The following SPAG9 variants were observed in gnomAD, a reference collection of about 807,000 sequenced individuals.
SPAG9 encodes the protein sperm associated antigen 9.
Under a neutral mutation model 166.5 loss-of-function variants are expected in SPAG9, and 35 were observed. That is an observed-to-expected ratio of 0.21 (90% CI 0.16 to 0.28). SPAG9 has a LOEUF of 0.28. Ranked by LOEUF, SPAG9 falls within the 10% of genes least tolerant of loss-of-function variation. SPAG9 has a pLI of 1.00. For synonymous variants in SPAG9, 534 were observed against 565.5 expected (o/e 0.94, Z 0.79); for missense variants, 1,235 against 1,603.3 (o/e 0.77, Z 3.92).
intron 8 of SPAG9, among the ~76,000 whole-genome samples, chr17:51,014,847 T>C (rs969950238): frequency 2.6e-5 from 4 of 151,826 alleles, no homozygotes; most frequent in Non-Finnish European, 5.9e-5. Flanking sequence ...AAACCCATGA[T>C]ACAAAGGTTT....
intron 5 of SPAG9, among the ~76,000 whole-genome samples, chr17:51,035,473 T>C (rs185340685): frequency 4.8e-4 from 73 of 152,352 alleles, no homozygotes; most frequent in Admixed American, 4.7e-3. Context: ...ATAGATATGA[T>C]TCAACTACTA....
chr17:51,095,945 T>TTATA (rs200548048), intron 1 of SPAG9, among the ~76,000 whole-genome samples: 1 of 110,096 alleles, frequency 9.1e-6, no homozygotes, highest in African/African-American at 4.3e-5. Flanking sequence ...AGTGATATAG[T>TTATA]TATATATATA....
At position 50,995,490 on chromosome 17, in the gene SPAG9, A is replaced by T; in HGVS notation, c.2012T>A (p.Val671Glu). ...ATCCAGAGGTCTGAGATAGACAGGC[A>T]CAGGTAAATTTTTCATCTTATTTTC... ...QGENKMKNLP[V>E]PVYLRPLDEK... The change falls in exon 17 of 30, where the codon GTG becomes GAG. Residue 671 changes from valine to glutamate, a missense_variant. Coordinates refer to ENST00000262013, the MANE Select transcript of SPAG9 (RefSeq NM_001130528.3). The T allele has an allele frequency of 6.2e-7, 1 of 1,612,338 alleles. No homozygotes were observed. The highest frequency in any genetic ancestry group is 8.5e-7 in the Non-Finnish European group (1 of 1,178,492).
At chr17:51,105,178 G>A (rs916907807) in intron 1 of SPAG9, among the ~76,000 whole-genome samples, 15 of 152,078 alleles carry the variant, frequency 9.9e-5, no homozygotes, top group Non-Finnish European at 1.9e-4. Context: ...ATCAACAAAT[G>A]GTAAATTGAA....
In SPAG9 at chr17:50,962,401, C is replaced by T. The variant is rs1482598556; in HGVS notation, c.*3871G>A. 2.0e-5 allele frequency: 3 copies of T among 151,946 alleles called. No individual in the cohort carries two copies. Among genetic ancestry groups the T allele is most frequent in the South Asian group, 2.1e-4 (1 of 4,802 alleles). 9.4% of individuals were successfully genotyped at this position (151,946 alleles called of 1,614,324 possible). On this transcript the variant is annotated 3_prime_UTR_variant, in exon 30 of 30. Transcript: ENST00000262013. ...CTGATAGAATGTCTTGGACAAAAAA[C>T]GAATTTGGAACATAAAATGGTTAAG...
chr17:51,119,033 CAAA>C (rs3079111), intron 1 of SPAG9, among the ~76,000 whole-genome samples: 1 of 96,262 alleles, frequency 1.0e-5, no homozygotes, highest in East Asian at 2.8e-4. Context: ...GACTACGTCT[CAAA>C]AAAAAAAAAA....
intron 3 of SPAG9, among the ~76,000 whole-genome samples, chr17:51,054,664 C>A (rs569055538): frequency 1.5e-4 from 23 of 151,218 alleles, no homozygotes. Context: ...CCTCAATCTC[C>A]TCACCTCATG....
At chr17:51,036,520 A>C (rs189729556) in intron 5 of SPAG9, among the ~76,000 whole-genome samples, 236 of 151,894 alleles carry the variant, frequency 1.6e-3, no homozygotes, top group Admixed American at 2.7e-3. Context: ...TTTCCCATGC[A>C]TCTTCTTTCT....
chr17:50,977,635 G>T (rs1375565084), intron 26 of SPAG9, among the ~76,000 whole-genome samples: 2 of 152,128 alleles, frequency 1.3e-5, no homozygotes, highest in East Asian at 3.8e-4. Context: ...GGGCACGGTG[G>T]CTCACTCCTG....
intron 14 of SPAG9, 81 bp downstream of exon 14, chr17:50,999,580 A>G (rs2044838433): frequency 6.7e-7 from 1 of 1,487,130 alleles, no homozygotes; most frequent in African/African-American, 1.4e-5. Context: ...AAATGGACAT[A>G]AAATCATTCT....
At chr17:50,985,968 T>C (rs999703083) in intron 22 of SPAG9, among the ~76,000 whole-genome samples, 190 bp from the exon 23 acceptor site, 2 of 152,158 alleles carry the variant, frequency 1.3e-5, no homozygotes, top group African/African-American at 4.8e-5. Flanking sequence ...GGTAAAGAAA[T>C]AGGCTGCTGA....
Position 50,982,595 on chromosome 17 carries a change from C to A in SPAG9, c.3166G>T (p.Val1056Leu), listed in dbSNP as rs1597905148. ...TAGCCACACCAGACTTTGTCATGTACCACAGTCATGCAACGGATGGAATGA... is the reference window on the plus strand; with the variant it reads ...TAGCCACACCAGACTTTGTCATGTAACACAGTCATGCAACGGATGGAATGA... ...PHHSIRCMTV[V>L]HDKVWCGYRN... Residue 1056 changes from valine (V) to leucine (L), a missense_variant, in exon 25 of 30, where the codon GTA becomes TTA. Val to Leu is a conservative substitution (Grantham distance 32). This residue lies in a region of SPAG9 where 243 missense variants were observed against 358.6 expected (regional missense o/e 0.68). Coordinates refer to ENST00000262013, the MANE Select transcript of SPAG9 (RefSeq NM_001130528.3). The A allele has an allele frequency of 6.2e-7, 1 of 1,613,770 alleles. No homozygotes were observed. Among genetic ancestry groups the A allele is most frequent in the Non-Finnish European group, 8.5e-7 (1 of 1,179,876 alleles).
At chr17:51,000,706 T>G (rs925734097) in intron 13 of SPAG9, among the ~76,000 whole-genome samples, 2 of 151,808 alleles carry the variant, frequency 1.3e-5, no homozygotes, top group African/African-American at 4.8e-5. Flanking sequence ...CACTCCAGCC[T>G]GGGCACAGAG....
chr17:51,114,006 C>G (rs2049205551), intron 1 of SPAG9, among the ~76,000 whole-genome samples: 1 of 151,398 alleles, frequency 6.6e-6, no homozygotes, highest in African/African-American at 2.4e-5. Context: ...ATCAATCAAT[C>G]AAAAGATCTA....
chr17:51,118,113 G>A (rs2049348314), intron 1 of SPAG9, among the ~76,000 whole-genome samples: 2 of 149,734 alleles, frequency 1.3e-5, no homozygotes, highest in Non-Finnish European at 3.0e-5. Flanking sequence ...CCAGCCTGGC[G>A]ACAGAGAGAG....
chr17:51,104,504 C>T (rs1368663736), intron 1 of SPAG9, among the ~76,000 whole-genome samples: 4 of 152,076 alleles, frequency 2.6e-5, no homozygotes, highest in Non-Finnish European at 1.5e-5. Flanking sequence ...GGTGTGGTGG[C>T]GCTTGCCTGT....
chr17:51,048,291 T>C (rs563988700), intron 3 of SPAG9, among the ~76,000 whole-genome samples: 1 of 151,916 alleles, frequency 6.6e-6, no homozygotes, highest in Non-Finnish European at 1.5e-5. Context: ...AATTAAGACA[T>C]AAAATCAAAA....
chr17:50,999,333 A>G (rs367747084), intron 14 of SPAG9: 3 of 655,956 alleles, frequency 4.6e-6, no homozygotes, highest in African/African-American at 3.8e-5. Context: ...CCAATCAGAA[A>G]CTTATTTAAT....
At position 51,120,497 on chromosome 17, in the gene SPAG9, C is replaced by T. The variant is rs2049447688; in HGVS notation, c.160G>A (p.Val54Met). The change falls in exon 1 of 30, where the codon GTG (valine) becomes ATG (methionine). Residue 54 changes from valine to methionine, a missense_variant. Transcript: ENST00000262013. The surrounding 1 kb of genome is among the most constrained non-coding windows in gnomAD (Gnocchi z 4.7). The stretch of plus-strand genomic sequence containing the variant: ...TCCAGGTTCTCCAGCACAGCCACCA[C>T]CAGCGGCATCAGCTCTTTGACCACC... ...EEVVKELMPL[V>M]VAVLENLDSV... 6.2e-7 allele frequency: 1 copy of T among 1,614,024 alleles called. No individual in the cohort carries two copies. The highest frequency in any genetic ancestry group is 8.5e-7 in the Non-Finnish European group (1 of 1,179,908).
Sources: allele counts gnomAD v4.1 joint callset (sites outside exome capture counted in the v4.1 genomes callset), GRCh38; gene constraint gnomAD v4.1.1; regional missense constraint gnomAD v4.1.1; non-coding constraint Gnocchi (gnomAD v3.1); transcripts MANE v1.5; gene names NCBI Gene and HGNC (gene_info 2026-07-23, HGNC 2026-07-21).